Variants in MAP2K4 observed in about 807,000 individuals in gnomAD.
MAP2K4 encodes the protein dual specificity mitogen-activated protein kinase kinase 4.
Under a neutral mutation model 48.5 loss-of-function variants are expected in MAP2K4, and 4 were observed. The observed-to-expected ratio is 0.08, with a 90% CI of 0.04 to 0.19. The LOEUF is 0.19. Among genes scored for constraint, MAP2K4 ranks in the 10% least tolerant of loss-of-function variants. MAP2K4 has a pLI of 1.00. For synonymous variants in MAP2K4, 166 were observed against 173.1 expected (o/e 0.96, Z 0.32); for missense variants, 258 against 493.3 (o/e 0.52, Z 4.52).
chr17:12,131,622 TA>T lies in MAP2K4; in HGVS notation c.1040+2339del, dbSNP rs201544969. Among the ~76,000 whole-genome samples the T allele has an allele frequency of 8.7e-3, 1,329 of 152,122 alleles. 18 individuals are homozygous for T. The highest frequency in any genetic ancestry group is 0.029 in the African/African-American group (1,206 of 41,480). ...ACTGAATTTCTTCAGTTACATAAAT[TA>T]AAAGCACATACAGGATAATATGGGA... On this transcript the variant is annotated intron_variant, in intron 9 of 10. Coordinates refer to ENST00000353533, the MANE Select transcript of MAP2K4 (RefSeq NM_003010.4).
At chr17:12,043,803 C>G (rs980465264) in intron 1 of MAP2K4, among the ~76,000 whole-genome samples, 1 of 151,968 alleles carries the variant, frequency 6.6e-6, no homozygotes. Flanking sequence ...GGAAGCTCCC[C>G]GAACCCTATT....
intron 1 of MAP2K4, among the ~76,000 whole-genome samples, chr17:12,024,333 A>G (rs1969188743): frequency 2.0e-5 from 3 of 152,190 alleles, no homozygotes; most frequent in Non-Finnish European, 2.9e-5. Flanking sequence ...CTTTGGTTGC[A>G]TGTTTATGCT....
chr17:12,098,295 T>C (rs1192415234), intron 4 of MAP2K4, among the ~76,000 whole-genome samples: 1 of 151,998 alleles, frequency 6.6e-6, no homozygotes, highest in Non-Finnish European at 1.5e-5. Context: ...CTGGCCAATA[T>C]GGTGACACTG....
intron 2 of MAP2K4, among the ~76,000 whole-genome samples, chr17:12,070,798 A>G (rs752824821): frequency 7.2e-5 from 11 of 152,214 alleles, no homozygotes; most frequent in Non-Finnish European, 1.3e-4. Context: ...AATATTTGCT[A>G]TCTGGTTCTT....
intron 7 of MAP2K4, among the ~76,000 whole-genome samples, chr17:12,119,861 A>G (rs1399561440): frequency 1.3e-5 from 2 of 152,244 alleles, no homozygotes. Flanking sequence ...ATGGAGCTGT[A>G]GGCCATCCAT....
intron 3 of MAP2K4, among the ~76,000 whole-genome samples, chr17:12,092,806 C>G (rs1219270285): frequency 6.6e-6 from 1 of 152,156 alleles, no homozygotes; most frequent in African/African-American, 2.4e-5. Flanking sequence ...GCAGGCGGAT[C>G]ACGAGGTCAG....
At chr17:12,117,165 A>G (rs1273481345) in intron 7 of MAP2K4, among the ~76,000 whole-genome samples, 1 of 152,180 alleles carries the variant, frequency 6.6e-6, no homozygotes, top group Non-Finnish European at 1.5e-5. Flanking sequence ...ACTTCAGTGC[A>G]TATCTCCCAA....
chr17:12,065,002 A>C (rs1206436810), intron 2 of MAP2K4, among the ~76,000 whole-genome samples: 1 of 152,168 alleles, frequency 6.6e-6, no homozygotes, highest in Non-Finnish European at 1.5e-5. Flanking sequence ...GAGTAGGCAG[A>C]ACAGATCTGT....
At chr17:12,064,068 A>G in intron 2 of MAP2K4, among the ~76,000 whole-genome samples, 1 of 151,676 alleles carries the variant, frequency 6.6e-6, no homozygotes, top group Non-Finnish European at 1.5e-5. Context: ...AAACATTCAC[A>G]ATGTATATAT....
chr17:12,054,660 C>T (rs1186204372), intron 1 of MAP2K4, among the ~76,000 whole-genome samples: 1 of 152,110 alleles, frequency 6.6e-6, no homozygotes, highest in Non-Finnish European at 1.5e-5. Context: ...TGATAGCATT[C>T]TATCTATTGT....
At chr17:12,085,182 C>T (rs1055430415) in intron 3 of MAP2K4, among the ~76,000 whole-genome samples, 10 of 151,906 alleles carry the variant, frequency 6.6e-5, no homozygotes, top group African/African-American at 1.5e-4. Context: ...ACCAAAGAAA[C>T]GTGAAAAAGT....
chr17:12,113,163 G>T, intron 6 of MAP2K4, 70 bp from the exon 7 acceptor site: 1 of 1,453,980 alleles, frequency 6.9e-7, no homozygotes, highest in Admixed American at 1.8e-5. Context: ...CAATATTTTT[G>T]CTTAAAGTGA....
intron 9 of MAP2K4, among the ~76,000 whole-genome samples, chr17:12,132,063 A>C (rs1973043812): frequency 6.6e-6 from 1 of 152,210 alleles, no homozygotes; most frequent in South Asian, 2.1e-4. Flanking sequence ...GAATGACCAC[A>C]GTTTAAAATA....
chr17:12,100,784 T>C (rs991304718), intron 4 of MAP2K4, among the ~76,000 whole-genome samples: 2 of 152,144 alleles, frequency 1.3e-5, no homozygotes, highest in African/African-American at 4.8e-5. Context: ...AATCTCTGTA[T>C]TTTTAATTTG....
Position 12,030,255 on chromosome 17 carries a change from A to G in MAP2K4, c.115+9254A>G, listed in dbSNP as rs553939685. 2.0e-4 allele frequency among the ~76,000 whole-genome samples: 31 copies of G among 152,336 alleles called. 1 individual carries two copies. In the South Asian group the frequency reaches 6.0e-3, roughly 29 times the overall value. The stretch of plus-strand genomic sequence containing the variant: ...GTTAAGAAAGTTACAGAATTGCTAA[A>G]GAAAAGGTGAGCCAGTGTGTTCCAG... On this transcript the variant is annotated intron_variant, in intron 1 of 10. Transcript: ENST00000353533.
intron 1 of MAP2K4, among the ~76,000 whole-genome samples, chr17:12,031,202 C>G (rs1345886272): frequency 6.6e-6 from 1 of 152,216 alleles, no homozygotes; most frequent in Non-Finnish European, 1.5e-5. Flanking sequence ...CAGTGGATTA[C>G]TTCGGTGGTG....
At chr17:12,054,283 T>G (rs1970225461) in intron 1 of MAP2K4, among the ~76,000 whole-genome samples, 1 of 152,186 alleles carries the variant, frequency 6.6e-6, no homozygotes, top group Non-Finnish European at 1.5e-5. Flanking sequence ...TATTTGATCT[T>G]TTTTTGCATT....
intron 3 of MAP2K4, chr17:12,082,110 C>T: frequency 3.2e-6 from 1 of 309,188 alleles, no homozygotes; most frequent in Non-Finnish European, 7.1e-6. Context: ...CACATTTTGT[C>T]CTTATTGTGT....
At chr17:12,067,420 G>T (rs567189591) in intron 2 of MAP2K4, among the ~76,000 whole-genome samples, 1 of 152,022 alleles carries the variant, frequency 6.6e-6, no homozygotes, top group Admixed American at 6.6e-5. Context: ...GTGGGAGGCC[G>T]TCGTCCTGTG....
Sources: allele counts gnomAD v4.1 joint callset (sites outside exome capture counted in the v4.1 genomes callset), GRCh38; gene constraint gnomAD v4.1.1; transcripts MANE v1.5; gene names NCBI Gene and HGNC (gene_info 2026-07-23, HGNC 2026-07-21).